Variants in RBMS3 observed in about 807,000 individuals in gnomAD.
RBMS3 encodes the protein RNA binding motif single stranded interacting protein 3, also known as RNA-binding motif, single-stranded-interacting protein 3.
A neutral mutation model predicts 66.8 loss-of-function variants in RBMS3; 27 were observed. The observed-to-expected ratio is 0.40, with a 90% confidence interval of 0.30 to 0.56. RBMS3 has a LOEUF of 0.56. Among genes scored for constraint, RBMS3 ranks in the 20% least tolerant of loss-of-function variants. The pLI is 0.40. For synonymous variants in RBMS3, 188 were observed against 183.0 expected (o/e 1.03, Z -0.22); for missense variants, 513 against 549.5 (o/e 0.93, Z 0.66).
chr3:29,362,907 A>G (rs1319111064), intron 1 of RBMS3, among the ~76,000 whole-genome samples: 5 of 152,236 alleles, frequency 3.3e-5, no homozygotes, highest in African/African-American at 9.6e-5. Flanking sequence ...ATATTATTCC[A>G]ACATATATTA....
At chr3:29,447,884 A>G (rs1331675029) in intron 2 of RBMS3, among the ~76,000 whole-genome samples, 1 of 152,176 alleles carries the variant, frequency 6.6e-6, no homozygotes, top group African/African-American at 2.4e-5. Context: ...TGGGCCACAG[A>G]CCTTCGTTTT....
chr3:29,916,745 A>C (rs1418742769), intron 10 of RBMS3, among the ~76,000 whole-genome samples: 1 of 152,046 alleles, frequency 6.6e-6, no homozygotes, highest in Non-Finnish European at 1.5e-5. Context: ...TCCAGAAAAA[A>C]ATGTATGTGT....
intron 1 of RBMS3, among the ~76,000 whole-genome samples, chr3:29,373,720 A>AT (rs1025762263): frequency 1.3e-5 from 2 of 152,222 alleles, no homozygotes; most frequent in African/African-American, 4.8e-5. Flanking sequence ...AGAATGATGC[A>AT]TTTTTGATAT....
intron 10 of RBMS3, among the ~76,000 whole-genome samples, chr3:29,918,419 A>C (rs2060690913): frequency 6.6e-6 from 1 of 152,136 alleles, no homozygotes; most frequent in Non-Finnish European, 1.5e-5. Flanking sequence ...TTGTTCATCC[A>C]AATACTATCA....
At chr3:29,710,080 G>A (rs2053098978) in intron 4 of RBMS3, among the ~76,000 whole-genome samples, 1 of 152,264 alleles carries the variant, frequency 6.6e-6, no homozygotes, top group African/African-American at 2.4e-5. Flanking sequence ...GGCATTACCT[G>A]TTCAAACTTG....
intron 4 of RBMS3, among the ~76,000 whole-genome samples, chr3:29,669,181 G>T (rs543268388): frequency 1.3e-5 from 2 of 152,326 alleles, no homozygotes; most frequent in Admixed American, 6.5e-5. Flanking sequence ...ACCCTCATGG[G>T]AGAGACCAAA....
chr3:29,919,091 G>A (rs748907109), intron 10 of RBMS3, among the ~76,000 whole-genome samples: 1 of 151,958 alleles, frequency 6.6e-6, no homozygotes, highest in Non-Finnish European at 1.5e-5. Flanking sequence ...AGTTTTTCCT[G>A]ATTAAATTTT....
chr3:29,951,327 G>GA (rs1450316917), intron 12 of RBMS3, among the ~76,000 whole-genome samples: 5 of 151,684 alleles, frequency 3.3e-5, no homozygotes, highest in Non-Finnish European at 5.9e-5. Flanking sequence ...TTTTAAACAG[G>GA]AAAAAGTATG....
At chr3:29,624,016 T>C (rs1247039382) in intron 4 of RBMS3, among the ~76,000 whole-genome samples, 1 of 152,234 alleles carries the variant, frequency 6.6e-6, no homozygotes, top group South Asian at 2.1e-4. Context: ...TATATGCCTA[T>C]AATAATGTTT....
intron 4 of RBMS3, among the ~76,000 whole-genome samples, chr3:29,633,936 C>G (rs1157313435): frequency 6.6e-6 from 1 of 151,780 alleles, no homozygotes; most frequent in African/African-American, 2.4e-5. Context: ...TCTAAAAGAG[C>G]ATTTAGCAAA....
At chr3:29,592,982 G>T (rs1388015122) in intron 4 of RBMS3, among the ~76,000 whole-genome samples, 1 of 135,064 alleles carries the variant, frequency 7.4e-6, no homozygotes, top group Non-Finnish European at 1.6e-5. Context: ...CACAGGAAGG[G>T]GAACATCACA....
intron 1 of RBMS3, among the ~76,000 whole-genome samples, chr3:29,371,459 C>T (rs191757130): frequency 9.2e-5 from 14 of 152,280 alleles, no homozygotes; most frequent in Admixed American, 9.2e-4. Flanking sequence ...GTTGGAAACA[C>T]ACAGACACAC....
chr3:29,497,938 CAT>C (rs930554589), intron 3 of RBMS3, among the ~76,000 whole-genome samples: 5 of 134,924 alleles, frequency 3.7e-5, no homozygotes, highest in African/African-American at 1.4e-4. Flanking sequence ...CATACAGATG[CAT>C]ATGTTTCTCA....
intron 12 of RBMS3, among the ~76,000 whole-genome samples, chr3:29,963,937 C>A (rs1002787057): frequency 6.6e-6 from 1 of 151,490 alleles, no homozygotes; most frequent in East Asian, 1.9e-4. Context: ...CCAAGAAAAA[C>A]TGAAAACCTA....
At chr3:29,819,037 T>A (rs1020561801) in intron 6 of RBMS3, among the ~76,000 whole-genome samples, 9 of 152,160 alleles carry the variant, frequency 5.9e-5, no homozygotes, top group East Asian at 1.9e-4. Flanking sequence ...AACAATACAT[T>A]CCATTGCCAC....
intron 4 of RBMS3, among the ~76,000 whole-genome samples, chr3:29,716,520 A>T (rs2053401767): frequency 6.6e-6 from 1 of 152,178 alleles, no homozygotes; most frequent in Non-Finnish European, 1.5e-5. Context: ...TAAAAATTTG[A>T]TGTGTTTTCC....
At chr3:29,613,720 T>C (rs1477970647) in intron 4 of RBMS3, among the ~76,000 whole-genome samples, 1 of 151,952 alleles carries the variant, frequency 6.6e-6, no homozygotes, top group African/African-American at 2.4e-5. Flanking sequence ...GACACATAAA[T>C]GGCCAACAGG....
At chr3:29,428,243 G>A (rs1175438370) in intron 1 of RBMS3, among the ~76,000 whole-genome samples, 1 of 152,022 alleles carries the variant, frequency 6.6e-6, no homozygotes, top group Non-Finnish European at 1.5e-5. Context: ...ACATTTGGCA[G>A]TATCTGGAGA....
chr3:29,581,058 A>T (rs1254983638), intron 3 of RBMS3, among the ~76,000 whole-genome samples: 3 of 152,126 alleles, frequency 2.0e-5, no homozygotes, highest in Non-Finnish European at 2.9e-5. Flanking sequence ...TCTCACAGTA[A>T]GCTCTTTTGT....
Sources: allele counts gnomAD v4.1 joint callset (sites outside exome capture counted in the v4.1 genomes callset), GRCh38; gene constraint gnomAD v4.1.1; transcripts MANE v1.5; gene names NCBI Gene and HGNC (gene_info 2026-07-23, HGNC 2026-07-21).